ZYG11B: variants seen among roughly 807,000 people sequenced by gnomAD.
ZYG11B encodes the protein zyg-11 family member B, cell cycle regulator.
Under a neutral mutation model 82.4 loss-of-function variants are expected in ZYG11B, and 36 were observed. The observed-to-expected ratio is 0.44, with a 90% CI of 0.33 to 0.58. The LOEUF is 0.58. Among genes scored for constraint, ZYG11B ranks in the 20% least tolerant of loss-of-function variants. ZYG11B has a pLI of 0.02. For synonymous variants in ZYG11B, 303 were observed against 312.8 expected (o/e 0.97, Z 0.33); for missense variants, 552 against 895.6 (o/e 0.62, Z 4.90).
Position 52,789,969 on chromosome 1 carries a change from T to C in ZYG11B, c.1270-34T>C, listed in dbSNP as rs761296114. On this transcript the variant is annotated intron_variant, in intron 5 of 13. Transcript: ENST00000294353. ...GTTAAAATATAACAAAGTGATATTT[T>C]ATTTAGGATTTTTTTCTTCCTTTGA... The C allele has an allele frequency of 1.3e-6, 2 of 1,501,134 alleles. 1 individual carries two copies. The highest frequency in any genetic ancestry group is 2.7e-5 in the South Asian group (2 of 75,344). The allele number at this position is 1,501,134 out of a possible 1,614,324, so 93.0% of individuals were successfully genotyped here. A position where few individuals can be genotyped will look rare whatever the true frequency, so the allele number is the denominator to read the frequency against.
chr1:52,774,533 C>T (rs966066103), intron 3 of ZYG11B, among the ~76,000 whole-genome samples: 2 of 149,800 alleles, frequency 1.3e-5, no homozygotes, highest in East Asian at 2.0e-4. Context: ...GTCTTGAACT[C>T]CTGACCCAGG....
chr1:52,818,527 G>T (rs566432887), intron 13 of ZYG11B, among the ~76,000 whole-genome samples: 1 of 151,962 alleles, frequency 6.6e-6, no homozygotes, highest in African/African-American at 2.4e-5. Context: ...ATGTAGACTT[G>T]TAGGCCATGC....
At chr1:52,752,936 C>T (rs980055801) in intron 1 of ZYG11B, among the ~76,000 whole-genome samples, 5 of 152,082 alleles carry the variant, frequency 3.3e-5, no homozygotes, top group Non-Finnish European at 7.4e-5. Context: ...CAACCTCTGC[C>T]TCCTGTGTTC....
chr1:52,767,417 G>A (rs1488987755), intron 2 of ZYG11B, among the ~76,000 whole-genome samples: 2 of 152,144 alleles, frequency 1.3e-5, no homozygotes, highest in Non-Finnish European at 2.9e-5. Context: ...CGATTCCCCT[G>A]CTTCAGCCTC....
chr1:52,811,324 CCT>C (rs1645181039), intron 10 of ZYG11B, among the ~76,000 whole-genome samples: 1 of 151,684 alleles, frequency 6.6e-6, no homozygotes, highest in Non-Finnish European at 1.5e-5. Flanking sequence ...TTTTTCATAC[CCT>C]CTCTAATCTC....
chr1:52,775,236 G>A (rs372981793), intron 3 of ZYG11B, among the ~76,000 whole-genome samples: 1 of 152,114 alleles, frequency 6.6e-6, no homozygotes, highest in East Asian at 1.9e-4. Flanking sequence ...TTAACTTAGA[G>A]CTCTCCCTTG....
intron 8 of ZYG11B, among the ~76,000 whole-genome samples, chr1:52,800,733 C>T (rs754870740): frequency 1.3e-5 from 2 of 151,740 alleles, no homozygotes; most frequent in South Asian, 2.1e-4. Flanking sequence ...ACTTGAACCC[C>T]GGGGGGGTGG....
rs1553256668 is a variant in ZYG11B, at chr1:52,726,498, G to GCTGCGGCTGCGGCTGCGGCTGCTA, written c.-152_-151insGGCTGCGGCTGCGGCTGCTACTGC. On this transcript the variant is annotated 5_prime_UTR_variant, in exon 1 of 14. Transcript: ENST00000294353. ...GGCTGCGGCTGCGGCTGCGGCTGCG[G>GCTGCGGCTGCGGCTGCGGCTGCTA]CTGCTACTGCTACGCTCCTAGCTTG... 3 of 628,412 alleles carry GCTGCGGCTGCGGCTGCGGCTGCTA rather than the reference G, an allele frequency of 4.8e-6. No individual in the cohort carries two copies. The highest frequency in any genetic ancestry group is 6.9e-6 in the Non-Finnish European group (3 of 434,138). The allele number at this position is 628,412 out of a possible 1,614,324, so 38.9% of individuals were successfully genotyped here. A position where few individuals can be genotyped will look rare whatever the true frequency, so the allele number is the denominator to read the frequency against.
At chr1:52,793,477 G>A (rs1185113367) in intron 6 of ZYG11B, among the ~76,000 whole-genome samples, 1 of 152,184 alleles carries the variant, frequency 6.6e-6, no homozygotes, top group South Asian at 2.1e-4. Context: ...GGCAACAAGA[G>A]TGAAACTCCG....
intron 10 of ZYG11B, among the ~76,000 whole-genome samples, chr1:52,810,543 T>C (rs1200185423): frequency 2.0e-5 from 3 of 152,192 alleles, no homozygotes; most frequent in Admixed American, 2.0e-4. Flanking sequence ...GCCTGGAAAC[T>C]TTAAAGGCAA....
In ZYG11B at chr1:52,756,514, C is replaced by T. The variant is rs1375761340; in HGVS notation, c.87C>T (p.His29=). The T allele has an allele frequency of 6.2e-7, 1 of 1,614,062 alleles. No individual in the cohort carries two copies. The highest frequency in any genetic ancestry group is 1.1e-5 in the South Asian group (1 of 91,086). ...TCTGCTTGAATTTCTTGACTACTCA[C>T]CTTGAGAAGTTCTGTTCAGCCAGAC... The part of the protein sequence containing the change: ...LDICLNFLTT[H]LEKFCSARQD... Residue 29 remains histidine (H), a synonymous_variant, in exon 2 of 14, where the codon CAC becomes CAT. Coordinates refer to ENST00000294353, the MANE Select transcript of ZYG11B (RefSeq NM_024646.3).
intron 2 of ZYG11B, among the ~76,000 whole-genome samples, chr1:52,770,607 C>G (rs180852657): frequency 1.9e-3 from 285 of 152,208 alleles, no homozygotes; most frequent in Admixed American, 3.5e-3. Context: ...CGTGAAGTCT[C>G]CTCGTTTGTC....
chr1:52,739,086 C>T (rs1332323293), intron 1 of ZYG11B, among the ~76,000 whole-genome samples: 1 of 151,296 alleles, frequency 6.6e-6, no homozygotes, highest in Non-Finnish European at 1.5e-5. Flanking sequence ...CTCCCGGGGT[C>T]AAGCGATTCT....
intron 3 of ZYG11B, chr1:52,772,089 T>C: frequency 1.3e-6 from 1 of 799,390 alleles, no homozygotes; most frequent in Non-Finnish European, 2.1e-6. Flanking sequence ...CTTATGATGA[T>C]AATGTTTAGC....
In ZYG11B at chr1:52,771,201, T is replaced by C; in HGVS notation, c.378T>C (p.Ser126=). Residue 126 remains serine (S), a synonymous_variant, in exon 3 of 14, where the codon AGT becomes AGC. Coordinates refer to ENST00000294353, the MANE Select transcript of ZYG11B (RefSeq NM_024646.3). The surrounding 1 kb of genome is among the most constrained non-coding windows in gnomAD (Gnocchi z 5.4). ...ATATCACGATTACAGACATTATCAGTGGGCTTGGCAGTAACAAATGGATCC... is the reference window on the plus strand; with the variant it reads ...ATATCACGATTACAGACATTATCAGCGGGCTTGGCAGTAACAAATGGATCC... ...NADITITDII[S]GLGSNKWIQQ... is the part of the protein sequence containing the mutation. 1 of 1,614,238 alleles carries C rather than the reference T, an allele frequency of 6.2e-7. No individual in the cohort carries two copies. The highest frequency in any genetic ancestry group is 1.1e-5 in the South Asian group (1 of 91,086).
chr1:52,755,856 G>A (rs1164876829), intron 1 of ZYG11B, among the ~76,000 whole-genome samples: 1 of 152,096 alleles, frequency 6.6e-6, no homozygotes, highest in Non-Finnish European at 1.5e-5. Flanking sequence ...CTGGAGTTCA[G>A]TGGCATAATC....
chr1:52,800,572 GC>G (rs1002177136), intron 8 of ZYG11B, among the ~76,000 whole-genome samples: 53 of 152,150 alleles, frequency 3.5e-4, no homozygotes, highest in African/African-American at 1.3e-3. Context: ...ACTTTGGGAG[GC>G]CGGGGTGGGT....
intron 6 of ZYG11B, among the ~76,000 whole-genome samples, chr1:52,795,832 G>A (rs1438933694): frequency 1.3e-5 from 2 of 152,042 alleles, no homozygotes; most frequent in African/African-American, 2.4e-5. Flanking sequence ...TATGAAAGTA[G>A]GGACATTTTT....
chr1:52,825,014 A>G lies in ZYG11B; in HGVS notation c.*3385A>G, dbSNP rs1278586012. The G allele has an allele frequency of 6.6e-6, 1 of 152,194 alleles. No individual in the cohort carries two copies. The highest frequency in any genetic ancestry group is 1.5e-5 in the Non-Finnish European group (1 of 68,030). 9.4% of individuals were successfully genotyped at this position (152,194 alleles called of 1,614,324 possible). On this transcript the variant is annotated 3_prime_UTR_variant, in exon 14 of 14. Transcript: ENST00000294353. ...TAAAATATCACTACATCAGTCCACAAGCAACATTAAGGAAATCTAAAGGAA... is the reference window on the plus strand; with the variant it reads ...TAAAATATCACTACATCAGTCCACAGGCAACATTAAGGAAATCTAAAGGAA...
Sources: gnomAD v4.1 joint callset for allele counts (sites outside exome capture counted in the v4.1 genomes callset) on GRCh38, gnomAD v4.1.1 for gene constraint, Gnocchi (gnomAD v3.1) non-coding constraint, MANE v1.5 for transcripts, NCBI Gene and HGNC (gene_info 2026-07-23, HGNC 2026-07-21) for gene names.